CACNB4: variants seen among roughly 807,000 people sequenced by gnomAD.
CACNB4 encodes voltage-dependent L-type calcium channel subunit beta-4.
A neutral mutation model predicts 71.2 loss-of-function variants in CACNB4; 32 were observed. The observed-to-expected ratio is 0.45, with a 90% CI of 0.34 to 0.60. The LOEUF is 0.60. CACNB4 is among the 20% of genes least tolerant of loss of function. The pLI, the probability that CACNB4 is intolerant of heterozygous loss-of-function variation, is 0.01. For missense variants in CACNB4, 464 were observed against 647.9 expected (o/e 0.72, Z 3.08); for synonymous variants, 231 against 236.9 (o/e 0.97, Z 0.23).
chr2:151,883,128 A>T lies in CACNB4; in HGVS notation c.267+123T>A. 3.0e-6 allele frequency: 3 copies of T among 1,006,698 alleles called. No homozygotes were observed. In the South Asian group the frequency reaches 4.3e-5, roughly 15 times the overall value. 62.4% of individuals were successfully genotyped at this position (1,006,698 alleles called of 1,614,324 possible). On this transcript the variant is annotated intron_variant, in intron 3 of 13. Coordinates refer to ENST00000539935, the MANE Select transcript of CACNB4 (RefSeq NM_000726.5). ...GGTGAAAGGATCAGAGAGCTTCCCA[A>T]TCTGGAGCCTTGTTAGAATAATCAC...
At chr2:152,019,251 T>C (rs905686817) in intron 2 of CACNB4, among the ~76,000 whole-genome samples, 2 of 152,228 alleles carry the variant, frequency 1.3e-5, no homozygotes, top group African/African-American at 4.8e-5. Flanking sequence ...AATTGGATGA[T>C]AGAAGTTATT....
intron 2 of CACNB4, among the ~76,000 whole-genome samples, chr2:152,037,391 T>C (rs1032370723): frequency 9.2e-5 from 14 of 152,234 alleles, no homozygotes; most frequent in African/African-American, 2.9e-4. Flanking sequence ...TAAATCCTGC[T>C]TTGGCCCAAA....
intron 2 of CACNB4, among the ~76,000 whole-genome samples, chr2:151,961,831 G>T (rs2099869735): frequency 6.6e-6 from 1 of 152,160 alleles, no homozygotes; most frequent in Non-Finnish European, 1.5e-5. Flanking sequence ...GTCCAAGGCT[G>T]CAGTGAGCCA....
At chr2:151,984,998 T>C (rs551247603) in intron 2 of CACNB4, among the ~76,000 whole-genome samples, 1 of 152,306 alleles carries the variant, frequency 6.6e-6, no homozygotes, top group Admixed American at 6.5e-5. Flanking sequence ...CCCCAATTTA[T>C]GAGATCTTCC....
intron 2 of CACNB4, among the ~76,000 whole-genome samples, chr2:151,920,303 C>T (rs2099858644): frequency 1.1e-5 from 1 of 93,146 alleles, no homozygotes. Context: ...AGAGTCTTTT[C>T]TTCTTCTTCT....
chr2:151,870,028 T>C (rs756253), intron 8 of CACNB4: 13,245 of 564,358 alleles, frequency 0.023, 220 homozygotes, highest in Middle Eastern at 0.031. Flanking sequence ...TTCACTAATG[T>C]TTTTAGTGGT....
chr2:151,899,857 G>C (rs1199823584), intron 2 of CACNB4, among the ~76,000 whole-genome samples: 1 of 152,162 alleles, frequency 6.6e-6, no homozygotes, highest in African/African-American at 2.4e-5. Context: ...AGATAAATAA[G>C]ACACGGTCCT....
intron 2 of CACNB4, among the ~76,000 whole-genome samples, chr2:152,049,133 C>A (rs761647045): frequency 6.6e-6 from 1 of 151,868 alleles, no homozygotes; most frequent in African/African-American, 2.4e-5. Context: ...ACCTTGATAC[C>A]ATTCTCTCCC....
intron 2 of CACNB4, among the ~76,000 whole-genome samples, chr2:152,037,189 T>G (rs1684640269): frequency 1.3e-5 from 2 of 152,200 alleles, no homozygotes; most frequent in African/African-American, 4.8e-5. Flanking sequence ...TCTGAGAAGC[T>G]TGGTTTGGTT....
intron 2 of CACNB4, among the ~76,000 whole-genome samples, chr2:152,061,193 T>C (rs1193031202): frequency 6.6e-6 from 1 of 152,164 alleles, no homozygotes; most frequent in East Asian, 1.9e-4. Context: ...GCCTGTAGCC[T>C]CCCAGCTACT....
intron 12 of CACNB4, among the ~76,000 whole-genome samples, 182 bp from the exon 13 acceptor site, chr2:151,842,270 C>T (rs1318456523): frequency 2.1e-5 from 3 of 141,522 alleles, no homozygotes; most frequent in Non-Finnish European, 1.5e-5. Flanking sequence ...TATCCATGAA[C>T]GAATGTAGAC....
At chr2:152,013,921 G>C (rs1283975127) in intron 2 of CACNB4, among the ~76,000 whole-genome samples, 1 of 152,204 alleles carries the variant, frequency 6.6e-6, no homozygotes, top group African/African-American at 2.4e-5. Flanking sequence ...CTTTCACTTA[G>C]CAGTTCCATC....
At chr2:151,935,253 G>C (rs1484902966) in intron 2 of CACNB4, among the ~76,000 whole-genome samples, 1 of 152,208 alleles carries the variant, frequency 6.6e-6, no homozygotes, top group African/African-American at 2.4e-5. Context: ...TGGAATCAGA[G>C]ACCTTGATTT....
intron 2 of CACNB4, among the ~76,000 whole-genome samples, chr2:151,989,109 G>A (rs2151760381): frequency 6.6e-6 from 1 of 152,288 alleles, no homozygotes. Context: ...CTTCTCACCT[G>A]TGTTTGGAAT....
intron 2 of CACNB4, among the ~76,000 whole-genome samples, chr2:152,004,948 A>T (rs1401731100): frequency 1.3e-5 from 2 of 152,138 alleles, no homozygotes; most frequent in East Asian, 3.9e-4. Flanking sequence ...TTACTCTTGG[A>T]TGCAAATCAA....
chr2:151,876,543 T>C lies in CACNB4; in HGVS notation c.404A>G (p.Asp135Gly). 4 of 1,598,550 alleles carry C rather than the reference T, an allele frequency of 2.5e-6. No homozygotes were observed. The highest frequency in any genetic ancestry group is 3.4e-6 in the Non-Finnish European group (4 of 1,170,098). Reference sequence around the variant, plus strand: ...TTTCACCAGCCTTCCTATCCACCAATCATTGTTATATTTCTGGAATTCAGA... The same window carrying C: ...TTTCACCAGCCTTCCTATCCACCAACCATTGTTATATTTCTGGAATTCAGA... ...FLHIKEKYNN[D>G]WWIGRLVKEG... is the part of the protein sequence containing the mutation. Residue 135 changes from aspartate (D) to glycine (G), a missense_variant, in exon 5 of 14, where the codon GAT (aspartate) becomes GGT (glycine). Physicochemically the swap from Asp to Gly is moderately conservative, Grantham distance 94. Around this residue, in one of 3 missense-constraint regions of CACNB4, gnomAD observed 299 missense variants for 471.7 expected, o/e 0.63. Transcript: ENST00000539935.
chr2:152,071,255 G>C (rs1160872555), intron 2 of CACNB4, among the ~76,000 whole-genome samples: 1 of 152,178 alleles, frequency 6.6e-6, no homozygotes, highest in Non-Finnish European at 1.5e-5. Context: ...CAGAAACCTT[G>C]TTACCATGGA....
rs564566508 is a variant in CACNB4 at position 151,947,766 on chromosome 2, C to T, written c.148-64396G>A. 3.9e-5 allele frequency among the ~76,000 whole-genome samples: 6 copies of T among 152,236 alleles called. No homozygotes were observed. In the East Asian group the frequency reaches 5.8e-4, roughly 15 times the overall value. On this transcript the variant is annotated intron_variant, in intron 2 of 13. Transcript: ENST00000539935. ...CAGCACTTCCTGCAGGCACCTGCCC[C>T]GGAGCCCAGCAGAAAGAGAGATAAG...
rs56725916 is a variant in CACNB4, at chr2:152,067,388, T to TGG, written c.147+30940_147+30941dup. ...TGTTTTTTATAGAGATGTGTGTGTG[T>TGG]GGGGGGGGGGGTGCCTCTCACTGTG... On this transcript the variant is annotated intron_variant, in intron 2 of 13. Transcript: ENST00000539935. 1.4e-3 allele frequency among the ~76,000 whole-genome samples: 192 copies of TGG among 137,138 alleles called. 1 individual carries two copies. The highest frequency in any genetic ancestry group is 4.7e-3 in the East Asian group (20 of 4,212). The allele number at this position is 137,138 out of a possible 152,430, so 90.0% of individuals were successfully genotyped here. A position where few individuals can be genotyped will look rare whatever the true frequency, so the allele number is the denominator to read the frequency against.
Sources: allele counts gnomAD v4.1 joint callset (sites outside exome capture counted in the v4.1 genomes callset), GRCh38; gene constraint gnomAD v4.1.1; regional missense constraint gnomAD v4.1.1; transcripts MANE v1.5; gene names NCBI Gene and HGNC (gene_info 2026-07-23, HGNC 2026-07-21).